The following TIAM1 variants were observed in gnomAD, a reference collection of about 807,000 sequenced individuals.
TIAM1 encodes the protein rho guanine nucleotide exchange factor TIAM1.
TIAM1 carries 65 observed loss-of-function variants against 163.5 expected under a neutral mutation model. The ratio of observed to expected loss-of-function variants is 0.40; its 90% CI spans 0.33 to 0.49. TIAM1 has a LOEUF of 0.49. Among genes scored for constraint, TIAM1 ranks in the 20% least tolerant of loss-of-function variants. The pLI is 0.77. For missense variants in TIAM1, 1,789 were observed against 2,044.7 expected, an observed-to-expected ratio of 0.87 and a Z score of 2.41; for synonymous variants, 833 against 810.1, an observed-to-expected ratio of 1.03 and a Z score of -0.48.
chr21:31,516,142 T>C (rs904260902), intron 1 of TIAM1, among the ~76,000 whole-genome samples: 23 of 146,560 alleles, frequency 1.6e-4, no homozygotes, highest in African/African-American at 5.6e-4. Context: ...CTGGGCACAG[T>C]GGCTCACACC....
rs745446921 is a variant in TIAM1 at position 31,266,772 on chromosome 21, G to T, written c.201C>A (p.Ser67=). ...RSSSTPSIPQ[S]LAENGLEPFS... ...AGGGCTCCAGGCCATTTTCAGCCAG[G>T]GACTGGGGGATGCTGGGGGTGCTGC... Residue 67 remains serine (S), a synonymous_variant, in exon 4 of 28, where the codon TCC becomes TCA. Transcript: ENST00000541036. 3 of 1,614,104 alleles carry T rather than the reference G, an allele frequency of 1.9e-6. No individual in the cohort carries two copies. In the African/African-American group the frequency reaches 4.0e-5, roughly 22 times the overall value.
At chr21:31,345,088 C>T (rs2076122885), upstream of TIAM1, among the ~76,000 whole-genome samples, 1 of 152,106 alleles carries the variant, frequency 6.6e-6, no homozygotes, top group Admixed American at 6.6e-5. Flanking sequence ...TAAATGATGC[C>T]TCAGGTGGCT....
intron 2 of TIAM1, among the ~76,000 whole-genome samples, chr21:31,362,561 G>C (rs182382385): frequency 2.8e-4 from 43 of 151,926 alleles, no homozygotes; most frequent in African/African-American, 9.9e-4. Context: ...CTAGCTCCCG[G>C]GTTCAAGCGA....
intron 25 of TIAM1, 89 bp from the exon 26 acceptor site, chr21:31,127,241 G>A: frequency 8.5e-7 from 1 of 1,176,514 alleles, no homozygotes; most frequent in South Asian, 1.3e-5. Context: ...CTGTGATAGA[G>A]GATTAATAAT....
chr21:31,174,857 C>T (rs1475362700), intron 15 of TIAM1, among the ~76,000 whole-genome samples: 3 of 152,160 alleles, frequency 2.0e-5, no homozygotes, highest in Non-Finnish European at 4.4e-5. Context: ...CTGTGTTGGC[C>T]AGGCTGGTCT....
In TIAM1 at chr21:31,225,039, G is replaced by T. The variant is rs532430210; in HGVS notation, c.1809+687C>A. On this transcript the variant is annotated intron_variant, in intron 7 of 27. Coordinates refer to ENST00000541036, the MANE Select transcript of TIAM1 (RefSeq NM_001353694.2). ...CTCTCTATATATATCTATATATATA[G>T]AGAGAGAGCTTGCTCTGTTACCCAG... 2.1e-3 allele frequency among the ~76,000 whole-genome samples: 322 copies of T among 152,062 alleles called. 1 individual carries two copies. The highest frequency in any genetic ancestry group is 3.8e-3 in the Non-Finnish European group (261 of 68,008).
chr21:31,296,648 A>C (rs2074276729), intron 2 of TIAM1, among the ~76,000 whole-genome samples: 1 of 152,008 alleles, frequency 6.6e-6, no homozygotes, highest in Non-Finnish European at 1.5e-5. Flanking sequence ...TTTAGTTTCA[A>C]TTTGAGATTG....
chr21:31,244,105 C>A (rs2071368836), intron 6 of TIAM1, among the ~76,000 whole-genome samples: 1 of 152,144 alleles, frequency 6.6e-6, no homozygotes, highest in African/African-American at 2.4e-5. Flanking sequence ...GTTGTGTGCA[C>A]TCTTCTTTCT....
At chr21:31,513,568 C>G (rs1340194524) in intron 1 of TIAM1, among the ~76,000 whole-genome samples, 1 of 152,176 alleles carries the variant, frequency 6.6e-6, no homozygotes, top group African/African-American at 2.4e-5. Flanking sequence ...GCAGTAGAAT[C>G]AGACTGTCAA....
intron 13 of TIAM1, among the ~76,000 whole-genome samples, chr21:31,187,603 A>C (rs1417535170): frequency 6.6e-6 from 1 of 152,194 alleles, no homozygotes; most frequent in African/African-American, 2.4e-5. Context: ...TGTGAATTAC[A>C]CATTACAGAA....
chr21:31,181,045 A>T (rs1243950127), intron 15 of TIAM1, among the ~76,000 whole-genome samples: 1 of 152,268 alleles, frequency 6.6e-6, no homozygotes, highest in East Asian at 1.9e-4. Flanking sequence ...TCCATTTCAG[A>T]TTTTGAACAG....
intron 2 of TIAM1, among the ~76,000 whole-genome samples, chr21:31,426,193 T>C (rs1412579750): frequency 6.6e-6 from 1 of 152,096 alleles, no homozygotes; most frequent in East Asian, 1.9e-4. Flanking sequence ...TCCTCCTGAG[T>C]CCCCAAAGTC....
At chr21:31,356,825 G>A (rs2076323952) in intron 2 of TIAM1, among the ~76,000 whole-genome samples, 1 of 152,206 alleles carries the variant, frequency 6.6e-6, no homozygotes, top group Admixed American at 6.5e-5. Flanking sequence ...CTTAAGAAAT[G>A]TAGATTCCAT....
In TIAM1 at chr21:31,492,829, A is replaced by C. The variant is rs1423038735; in HGVS notation, c.-421-28794T>G. On this transcript the variant is annotated intron_variant, in intron 1 of 28. Transcript: ENST00000286827. ...CACACACACACACACACACACGTTA[A>C]GTGAAAAAAATCCATCTATCATATA... Among the ~76,000 whole-genome samples the C allele has an allele frequency of 8.0e-5, 12 of 150,870 alleles. No individual in the cohort carries two copies. In the East Asian group the frequency reaches 1.9e-3, roughly 24 times the overall value.
At chr21:31,246,567 C>A (rs1271360540) in intron 5 of TIAM1, among the ~76,000 whole-genome samples, 2 of 148,280 alleles carry the variant, frequency 1.3e-5, no homozygotes, top group African/African-American at 2.4e-5. Flanking sequence ...ATTTTCCTTA[C>A]CACAAACAAG....
chr21:31,551,601 G>T (rs2048690360), intron 1 of TIAM1, among the ~76,000 whole-genome samples: 2 of 151,306 alleles, frequency 1.3e-5, no homozygotes, highest in Non-Finnish European at 1.5e-5. Context: ...AAATTAGCCG[G>T]CCATACTGGC....
At chr21:31,399,692 T>G (rs1035374823) in intron 2 of TIAM1, among the ~76,000 whole-genome samples, 4 of 152,214 alleles carry the variant, frequency 2.6e-5, no homozygotes, top group African/African-American at 9.6e-5. Context: ...TTTCCAAGCT[T>G]AAATTCAATA....
chr21:31,302,741 A>T (rs923447580), intron 2 of TIAM1, among the ~76,000 whole-genome samples: 1 of 152,238 alleles, frequency 6.6e-6, no homozygotes, highest in African/African-American at 2.4e-5. Flanking sequence ...GAATTATTTC[A>T]CACAGATTCT....
intron 4 of TIAM1, among the ~76,000 whole-genome samples, chr21:31,262,071 C>G (rs1014513887): frequency 6.6e-6 from 1 of 152,238 alleles, no homozygotes; most frequent in Non-Finnish European, 1.5e-5. Context: ...AACTCACCCA[C>G]TGAAAGTTTC....
Sources: gnomAD v4.1 joint callset for allele counts (sites outside exome capture counted in the v4.1 genomes callset) on GRCh38, gnomAD v4.1.1 for gene constraint, MANE v1.5 for transcripts, NCBI Gene and HGNC (gene_info 2026-07-23, HGNC 2026-07-21) for gene names.